Variants in LRRC53 observed in about 807,000 individuals in gnomAD.
LRRC53 encodes leucine rich repeat containing 53, also known as leucine-rich repeat-containing protein 53.
LRRC53 carries 25 observed loss-of-function variants against 13.6 expected under a neutral mutation model. That is an observed-to-expected ratio of 1.83 (90% CI 1.34 to 2.56). The LOEUF (loss-of-function observed/expected upper bound fraction) is 2.56. LRRC53 is among the 30% of genes most tolerant of loss of function. LRRC53 has a pLI of 0.00. For missense variants in LRRC53, 527 were observed against 275.8 expected, an observed-to-expected ratio of 1.91 and a Z score of -6.45; for synonymous variants, 204 against 109.8, an observed-to-expected ratio of 1.86 and a Z score of -5.37.
At chr1:74,528,066 A>T in the LRRC53 span, among the ~76,000 whole-genome samples, 1 of 152,140 alleles carries the variant, frequency 6.6e-6, no homozygotes, top group Admixed American at 6.5e-5. Context: ...AAGCCCAGGA[A>T]GAACGTTATG....
rs545763509 is a variant in LRRC53 at position 74,470,495 on chromosome 1, CAGG to C, written c.3124_3126del (p.Pro1042del). On this transcript the variant is annotated inframe_deletion, in exon 5 of 5. Transcript: ENST00000294635. The stretch of plus-strand genomic sequence containing the variant: ...AGGTGCCAAACGGCTTGACTACTAA[CAGG>C]AGAAGTACTGATATCCTTGGGAAGT... The C allele has an allele frequency of 1.5e-3, 615 of 400,664 alleles. 5 individuals are homozygous for C. Among genetic ancestry groups the C allele is most frequent in the African/African-American group, 0.011 (543 of 48,788 alleles). 24.8% of individuals were successfully genotyped at this position (400,664 alleles called of 1,614,324 possible).
intron 1 of LRRC53, among the ~76,000 whole-genome samples, chr1:74,502,721 T>C (rs771272156): frequency 4.6e-5 from 7 of 152,212 alleles, no homozygotes; most frequent in Non-Finnish European, 8.8e-5. Flanking sequence ...CTAACTCTGA[T>C]AGTAGCCACT....
intron 4 of LRRC53, 137 bp downstream of exon 4, chr1:74,475,158 A>ACG: frequency 1.1e-5 from 6 of 548,768 alleles, no homozygotes. Context: ...ACACACACAC[A>ACG]GTATTTTTAG....
At chr1:74,473,585 T>A (rs1668044594) in intron 4 of LRRC53, among the ~76,000 whole-genome samples, 1 of 152,028 alleles carries the variant, frequency 6.6e-6, no homozygotes, top group Admixed American at 6.6e-5. Context: ...AAATTAACTT[T>A]TAGTAGACAG....
At chr1:74,521,254 C>A in the LRRC53 span, among the ~76,000 whole-genome samples, 2 of 152,162 alleles carry the variant, frequency 1.3e-5, no homozygotes, top group Non-Finnish European at 2.9e-5. Flanking sequence ...TCTGTGCGAT[C>A]TTGCCCAAGC....
chr1:74,479,380 A>G (rs1668363503), intron 3 of LRRC53, among the ~76,000 whole-genome samples: 1 of 152,268 alleles, frequency 6.6e-6, no homozygotes, highest in African/African-American at 2.4e-5. Context: ...TACAAAAAAT[A>G]TATAAAGAAT....
At chr1:74,536,951 A>G in the LRRC53 span, among the ~76,000 whole-genome samples, 1 of 152,172 alleles carries the variant, frequency 6.6e-6, no homozygotes, top group Admixed American at 6.6e-5. Context: ...CTGGATGCAC[A>G]TGGGTGGAAA....
intron 3 of LRRC53, among the ~76,000 whole-genome samples, chr1:74,477,911 A>G (rs1570673341): frequency 6.6e-6 from 1 of 152,364 alleles, no homozygotes; most frequent in East Asian, 1.9e-4. Flanking sequence ...TTATTGAAAC[A>G]TTAGAAACAC....
upstream of LRRC53, among the ~76,000 whole-genome samples, chr1:74,516,559 G>A (rs1209674201): frequency 6.6e-6 from 1 of 152,154 alleles, no homozygotes; most frequent in Non-Finnish European, 1.5e-5. Flanking sequence ...GAGCAATAGA[G>A]GATGAGGCTG....
intron 3 of LRRC53, among the ~76,000 whole-genome samples, chr1:74,477,341 A>T (rs1668255941): frequency 6.6e-6 from 1 of 152,048 alleles, no homozygotes; most frequent in Admixed American, 6.6e-5. Flanking sequence ...ATTAAATAAT[A>T]TATGTGACAT....
chr1:74,486,372 G>A (rs1668765288), intron 1 of LRRC53, among the ~76,000 whole-genome samples: 1 of 152,026 alleles, frequency 6.6e-6, no homozygotes, highest in African/African-American at 2.4e-5. Context: ...CTGTAGGAGG[G>A]TTGATCTAAT....
chr1:74,510,983 G>A (rs572656998), intron 1 of LRRC53, among the ~76,000 whole-genome samples: 10 of 152,224 alleles, frequency 6.6e-5, no homozygotes, highest in Non-Finnish European at 1.3e-4. Context: ...TGCCTCCCAG[G>A]TTCAAGTGAT....
At chr1:74,493,084 C>G (rs938271333) in intron 1 of LRRC53, among the ~76,000 whole-genome samples, 1 of 152,100 alleles carries the variant, frequency 6.6e-6, no homozygotes, top group Non-Finnish European at 1.5e-5. Context: ...GCCTTCTCTC[C>G]AATTTAGTCA....
chr1:74,475,294 C>A lies in LRRC53; in HGVS notation c.1420+1G>T. ...GATTTTCTAAAACAAGACAAACTCA[C>A]CTTCTGTTCTTATTATATGGTGTTG... On this transcript the variant is annotated splice_donor_variant, in intron 4 of 4. Coordinates refer to ENST00000294635, the MANE Select transcript of LRRC53 (RefSeq NM_001382280.1). LOFTEE classifies it high-confidence loss of function. The A allele has an allele frequency of 1.6e-6, 1 of 643,606 alleles. No homozygotes were observed. Among genetic ancestry groups the A allele is most frequent in the Non-Finnish European group, 2.8e-6 (1 of 351,506 alleles). The allele number at this position is 643,606 out of a possible 1,614,324, so 39.9% of individuals were successfully genotyped here. A position where few individuals can be genotyped will look rare whatever the true frequency, so the allele number is the denominator to read the frequency against.
upstream of LRRC53, among the ~76,000 whole-genome samples, chr1:74,516,224 T>G (rs1646346234): frequency 6.6e-6 from 1 of 152,190 alleles, no homozygotes; most frequent in Non-Finnish European, 1.5e-5. Context: ...GAAAAAAAAT[T>G]TTGACTAATG....
the LRRC53 span, among the ~76,000 whole-genome samples, chr1:74,523,094 C>G: frequency 6.6e-6 from 1 of 152,212 alleles, no homozygotes; most frequent in Non-Finnish European, 1.5e-5. Flanking sequence ...TGATTCCTCT[C>G]TTCCCTCTTA....
chr1:74,507,988 T>A (rs6701139), intron 1 of LRRC53, among the ~76,000 whole-genome samples: 13,101 of 152,218 alleles, frequency 0.086, 1,373 homozygotes, highest in African/African-American at 0.25. Context: ...TTTCTACCTT[T>A]AAGTAGTTTG....
intron 1 of LRRC53, among the ~76,000 whole-genome samples, chr1:74,507,223 A>ACC (rs36051033): frequency 0.29 from 34,685 of 118,772 alleles, 5,418 homozygotes; most frequent in East Asian, 0.48. Context: ...AAATTTCTTC[A>ACC]CCCCCCCCCC....
upstream of LRRC53, among the ~76,000 whole-genome samples, chr1:74,515,434 G>C (rs951112044): frequency 2.6e-5 from 4 of 152,122 alleles, no homozygotes; most frequent in African/African-American, 9.7e-5. Flanking sequence ...CCAAAGTTAA[G>C]GTGAAATTCT....
Sources: gnomAD v4.1 joint callset for allele counts (sites outside exome capture counted in the v4.1 genomes callset) on GRCh38, gnomAD v4.1.1 for gene constraint, MANE v1.5 for transcripts, NCBI Gene and HGNC (gene_info 2026-07-23, HGNC 2026-07-21) for gene names.